The following DAPK1 variants were observed in gnomAD, a reference collection of about 807,000 sequenced individuals.
The protein encoded by DAPK1 is death-associated protein kinase 1.
In DAPK1, 56 loss-of-function variants were observed where a neutral mutation model predicts 144.9. That is an observed-to-expected ratio of 0.39 (90% CI 0.31 to 0.48). DAPK1 has a LOEUF of 0.48. DAPK1 is among the 20% of genes least tolerant of loss of function. DAPK1 has a pLI of 0.95. For synonymous variants in DAPK1, 690 were observed against 749.0 expected (o/e 0.92, Z 1.29); for missense variants, 1,454 against 1,875.4 (o/e 0.78, Z 4.15).
intron 24 of DAPK1, chr9:87,701,967 A>C (rs1487574084): frequency 2.3e-6 from 1 of 444,226 alleles, no homozygotes; most frequent in African/African-American, 2.0e-5. Context: ...GGGAACTAAC[A>C]GTGGTCTCTG....
At chr9:87,637,864 A>T in intron 3 of DAPK1, 79 bp from the exon 4 acceptor site, 1 of 1,461,280 alleles carries the variant, frequency 6.8e-7, no homozygotes, top group Non-Finnish European at 9.3e-7. Flanking sequence ...CTGAAGTTTG[A>T]GCGCACCAAT....
At chr9:87,557,748 C>A (rs1359354470) in intron 2 of DAPK1, among the ~76,000 whole-genome samples, 2 of 152,188 alleles carry the variant, frequency 1.3e-5, no homozygotes, top group Non-Finnish European at 2.9e-5. Flanking sequence ...CGAGAACAGC[C>A]TGGCCAACAT....
At chr9:87,550,630 A>G (rs1167014969) in intron 2 of DAPK1, among the ~76,000 whole-genome samples, 1 of 152,234 alleles carries the variant, frequency 6.6e-6, no homozygotes, top group Non-Finnish European at 1.5e-5. Context: ...AACTAATGAC[A>G]TCTACAATGA....
chr9:87,571,457 A>C (rs1428016203), intron 2 of DAPK1, among the ~76,000 whole-genome samples: 3 of 60,518 alleles, frequency 5.0e-5, no homozygotes, highest in East Asian at 5.0e-4. Flanking sequence ...ACACACACAC[A>C]CACACACACA....
At chr9:87,671,194 C>T (rs1201667215) in intron 19 of DAPK1, among the ~76,000 whole-genome samples, 1 of 152,110 alleles carries the variant, frequency 6.6e-6, no homozygotes, top group Non-Finnish European at 1.5e-5. Context: ...CCTCCAAATC[C>T]TCAGTGAAAG....
intron 2 of DAPK1, among the ~76,000 whole-genome samples, chr9:87,593,478 G>A (rs1406798562): frequency 1.3e-5 from 2 of 152,188 alleles, no homozygotes; most frequent in Admixed American, 6.5e-5. Context: ...AACTGAGCAG[G>A]GTGAATATTG....
At chr9:87,617,102 A>T (rs1829124304) in intron 3 of DAPK1, among the ~76,000 whole-genome samples, 1 of 152,166 alleles carries the variant, frequency 6.6e-6, no homozygotes, top group African/African-American at 2.4e-5. Flanking sequence ...CCCCTTCCCC[A>T]ATGGCATCCT....
At chr9:87,609,062 C>T (rs574924861) in intron 3 of DAPK1, among the ~76,000 whole-genome samples, 2 of 152,188 alleles carry the variant, frequency 1.3e-5, no homozygotes, top group South Asian at 2.1e-4. Flanking sequence ...CGTCAATCTG[C>T]GGGAGGCCCG....
intron 21 of DAPK1, among the ~76,000 whole-genome samples, chr9:87,690,790 C>T (rs537455421): frequency 1.6e-4 from 24 of 152,090 alleles, no homozygotes; most frequent in East Asian, 5.8e-4. Flanking sequence ...AATGCTTTTT[C>T]GGCATCTGTT....
intron 2 of DAPK1, among the ~76,000 whole-genome samples, chr9:87,543,060 A>G (rs140714549): frequency 3.5e-4 from 54 of 152,354 alleles, no homozygotes; most frequent in African/African-American, 1.1e-3. Flanking sequence ...AATTATTTTA[A>G]TAAGTAGGGA....
Position 87,655,885 on chromosome 9 carries a change from G to A in DAPK1, c.1825-2144G>A, listed in dbSNP as rs985200352. On this transcript the variant is annotated intron_variant, in intron 17 of 25. Transcript: ENST00000408954. ...CTGGGAGGATGAGAGAGGACTCCCT[G>A]CCTGTCAGGTGTTTATCGAGGCCCT... Among the ~76,000 whole-genome samples the A allele has an allele frequency of 2.6e-5, 4 of 152,330 alleles. No individual in the cohort carries two copies. The East Asian group carries it at 5.8e-4, about 22-fold the overall frequency.
chr9:87,632,080 G>GTATATATGTAGAAATATATATATA, intron 3 of DAPK1: 1 of 729,288 alleles, frequency 1.4e-6, no homozygotes, highest in Non-Finnish European at 1.7e-6. Flanking sequence ...AAGTTAATTA[G>GTATATATGTAGAAATATATATATA]TATATATGTA....
At chr9:87,619,576 T>G (rs1171730053) in intron 3 of DAPK1, among the ~76,000 whole-genome samples, 2 of 152,164 alleles carry the variant, frequency 1.3e-5, no homozygotes, top group Non-Finnish European at 2.9e-5. Context: ...TGCCATACTC[T>G]AAGTAGTCCT....
At chr9:87,683,855 C>T (rs1824733510) in intron 20 of DAPK1, among the ~76,000 whole-genome samples, 1 of 152,216 alleles carries the variant, frequency 6.6e-6, no homozygotes, top group Non-Finnish European at 1.5e-5. Context: ...CTGCTTTCAG[C>T]CCAGCCGTGG....
At chr9:87,595,788 C>A (rs1015043411) in intron 2 of DAPK1, among the ~76,000 whole-genome samples, 2 of 152,144 alleles carry the variant, frequency 1.3e-5, no homozygotes, top group African/African-American at 2.4e-5. Flanking sequence ...TCTTTCCTAC[C>A]TCTGTGTGTT....
In DAPK1 at chr9:87,640,364, C is replaced by T. The variant is rs1830053864; in HGVS notation, c.696C>T (p.Val232=). 3.7e-6 allele frequency: 6 copies of T among 1,614,086 alleles called. No individual in the cohort carries two copies. In the South Asian group the frequency reaches 4.4e-5, roughly 12 times the overall value. ...AAACGTTAGCAAATGTATCCGCTGT[C>T]AACTACGAATTTGAGGATGAATACT... ...KQETLANVSA[V]NYEFEDEYFS... The change falls in exon 8 of 26, where the codon GTC becomes GTT. Residue 232 remains valine (V), a synonymous_variant. Coordinates refer to ENST00000408954, the MANE Select transcript of DAPK1 (RefSeq NM_004938.4).
chr9:87,622,865 T>A (rs1300288196), intron 3 of DAPK1, among the ~76,000 whole-genome samples: 1 of 152,020 alleles, frequency 6.6e-6, no homozygotes, highest in African/African-American at 2.4e-5. Flanking sequence ...GACCCGAGAT[T>A]GCACCACTGC....
chr9:87,661,128 ACG>A (rs1830831921), intron 18 of DAPK1, among the ~76,000 whole-genome samples: 1 of 152,188 alleles, frequency 6.6e-6, no homozygotes. Context: ...GTGAGCCACC[ACG>A]CCCAGGCTGA....
At position 87,661,742 on chromosome 9, in the gene DAPK1, G is replaced by A. The variant is rs555028040; in HGVS notation, c.1923+3615G>A. ...TCTGGATGTTAGTTCCCTGTCGAATGTAGAGTTTGCGAATATTTTCTCTCA... is the reference window on the plus strand; with the variant it reads ...TCTGGATGTTAGTTCCCTGTCGAATATAGAGTTTGCGAATATTTTCTCTCA... On this transcript the variant is annotated intron_variant, in intron 18 of 25. Coordinates refer to ENST00000408954, the MANE Select transcript of DAPK1 (RefSeq NM_004938.4). Among the ~76,000 whole-genome samples, 6 of 152,148 alleles carry A rather than the reference G, an allele frequency of 3.9e-5. No homozygotes were observed. The East Asian group carries it at 1.2e-3, about 29-fold the overall frequency.
Sources: allele counts gnomAD v4.1 joint callset (sites outside exome capture counted in the v4.1 genomes callset), GRCh38; gene constraint gnomAD v4.1.1; transcripts MANE v1.5; gene names NCBI Gene and HGNC (gene_info 2026-07-23, HGNC 2026-07-21).